Variants in KYAT3 observed in about 807,000 individuals in gnomAD.
KYAT3 encodes the protein kynurenine aminotransferase 3.
Under a neutral mutation model 59.0 loss-of-function variants are expected in KYAT3, and 50 were observed. That is an observed-to-expected ratio of 0.85 (90% CI 0.68 to 1.07). KYAT3 has a LOEUF of 1.07. KYAT3 is among the 50% of genes least tolerant of loss of function. The pLI, the probability that KYAT3 is intolerant of heterozygous loss-of-function variation, is 0.00. For synonymous variants in KYAT3, 148 were observed against 177.0 expected (o/e 0.84, Z 1.30); for missense variants, 497 against 533.3 (o/e 0.93, Z 0.67).
intron 2 of KYAT3, among the ~76,000 whole-genome samples, chr1:88,971,717 C>A (rs1368286220): frequency 4.6e-5 from 7 of 152,156 alleles, no homozygotes; most frequent in Non-Finnish European, 1.0e-4. Flanking sequence ...TCCCCACCAC[C>A]CTTCCTTGCA....
intron 13 of KYAT3, among the ~76,000 whole-genome samples, chr1:88,939,935 C>T (rs1002895060): frequency 6.6e-6 from 1 of 152,124 alleles, no homozygotes; most frequent in Non-Finnish European, 1.5e-5. Flanking sequence ...TGAAATAGCA[C>T]TAATTTTATT....
chr1:88,958,881 G>A (rs1454378979), intron 8 of KYAT3, among the ~76,000 whole-genome samples: 3 of 152,146 alleles, frequency 2.0e-5, no homozygotes, highest in Non-Finnish European at 4.4e-5. Flanking sequence ...CAGAACCACT[G>A]ACCTCCTCAA....
the KYAT3 span, among the ~76,000 whole-genome samples, chr1:88,924,329 C>T: frequency 6.6e-6 from 1 of 152,246 alleles, no homozygotes; most frequent in Admixed American, 6.5e-5. Flanking sequence ...AGGTCCCTCC[C>T]CTGGCAGTCA....
downstream of KYAT3, among the ~76,000 whole-genome samples, chr1:88,930,780 AG>A (rs1487520769): frequency 1.3e-5 from 2 of 152,226 alleles, no homozygotes; most frequent in Non-Finnish European, 2.9e-5. Flanking sequence ...ATCAAACATC[AG>A]GAAGCCATTA....
At chr1:88,953,695 A>G (rs1057201774) in intron 9 of KYAT3, among the ~76,000 whole-genome samples, 1 of 152,216 alleles carries the variant, frequency 6.6e-6, no homozygotes, top group African/African-American at 2.4e-5. Context: ...TTCTGAAGGT[A>G]AACAGCCGGC....
At chr1:88,973,344 C>G (rs1456311170) in intron 2 of KYAT3, among the ~76,000 whole-genome samples, 1 of 152,194 alleles carries the variant, frequency 6.6e-6, no homozygotes, top group East Asian at 1.9e-4. Flanking sequence ...CCTGAGGGAA[C>G]TAACACACTG....
intron 2 of KYAT3, among the ~76,000 whole-genome samples, chr1:88,971,263 G>A (rs1393132747): frequency 1.3e-5 from 2 of 152,146 alleles, no homozygotes; most frequent in Non-Finnish European, 1.5e-5. Flanking sequence ...AGGTTGAAAT[G>A]CACTTTCAGG....
chr1:88,954,795 A>G (rs1675836531), intron 9 of KYAT3, among the ~76,000 whole-genome samples: 1 of 152,230 alleles, frequency 6.6e-6, no homozygotes. Flanking sequence ...ATTTTTTTAA[A>G]GATGGTCTTG....
At chr1:88,967,659 C>T (rs1339206256) in intron 4 of KYAT3, among the ~76,000 whole-genome samples, 1 of 151,936 alleles carries the variant, frequency 6.6e-6, no homozygotes, top group Non-Finnish European at 1.5e-5. Flanking sequence ...TCATTTCATC[C>T]AAGTTGTCAA....
intron 4 of KYAT3, among the ~76,000 whole-genome samples, chr1:88,965,646 C>G (rs1453639142): frequency 6.6e-6 from 1 of 151,832 alleles, no homozygotes. Context: ...CTTCTAGGCT[C>G]TCTCCCCTTC....
chr1:88,992,247 C>G (rs6428489), intron 1 of KYAT3, among the ~76,000 whole-genome samples: 81,511 of 152,068 alleles, frequency 0.54, 23,518 homozygotes, highest in African/African-American at 0.76. Flanking sequence ...CAAAGTGCTG[C>G]GATTACAGGG....
At chr1:88,978,509 T>C (rs943822202) in intron 2 of KYAT3, among the ~76,000 whole-genome samples, 9 of 152,152 alleles carry the variant, frequency 5.9e-5, no homozygotes, top group Middle Eastern at 3.4e-3. Context: ...TTAACTTTAA[T>C]TTTTTTGAGA....
intron 2 of KYAT3, chr1:88,983,773 T>C: frequency 1.2e-6 from 2 of 1,614,056 alleles, no homozygotes; most frequent in Non-Finnish European, 1.7e-6. Context: ...TCTCATTTGT[T>C]TCCGTATTAA....
At chr1:88,943,323 A>G (rs780379352) in intron 12 of KYAT3, 27 bp downstream of exon 12, 1 of 1,317,922 alleles carries the variant, frequency 7.6e-7, no homozygotes, top group South Asian at 1.3e-5. Flanking sequence ...AATATAACAG[A>G]ATCTTGCAAA....
At chr1:88,968,861 A>C in intron 3 of KYAT3, 47 bp from the exon 4 acceptor site, 1 of 1,434,438 alleles carries the variant, frequency 7.0e-7, no homozygotes, top group African/African-American at 1.5e-5. Context: ...ACAATTATAA[A>C]GTTCGCTTTT....
chr1:88,954,020 G>T (rs1435971114), intron 9 of KYAT3, among the ~76,000 whole-genome samples: 1 of 151,758 alleles, frequency 6.6e-6, no homozygotes, highest in Non-Finnish European at 1.5e-5. Context: ...TCCTGTCTCA[G>T]CCTCCCAAGT....
chr1:88,930,113 G>A, the KYAT3 span, among the ~76,000 whole-genome samples: 2 of 152,338 alleles, frequency 1.3e-5, no homozygotes, highest in East Asian at 3.9e-4. Context: ...CTTGTAATCT[G>A]TGGCGTACCT....
chr1:88,988,496 TTTTC>T, intron 1 of KYAT3, 145 bp from the exon 2 acceptor site: 2 of 510,014 alleles, frequency 3.9e-6, no homozygotes, highest in Admixed American at 3.7e-5. Flanking sequence ...TTCTTTCAAG[TTTTC>T]TTTCTATGAT....
chr1:88,978,626 T>G (rs1676913031), intron 2 of KYAT3, among the ~76,000 whole-genome samples: 2 of 151,978 alleles, frequency 1.3e-5, no homozygotes, highest in South Asian at 2.1e-4. Context: ...GCCTCCTGAG[T>G]AGCTGGGACT....
Sources: gnomAD v4.1 joint callset for allele counts (sites outside exome capture counted in the v4.1 genomes callset) on GRCh38, gnomAD v4.1.1 for gene constraint, MANE v1.5 for transcripts, NCBI Gene and HGNC (gene_info 2026-07-23, HGNC 2026-07-21) for gene names.